The following RPH3A variants were observed in gnomAD, a reference collection of about 807,000 sequenced individuals.
RPH3A encodes rabphilin-3A.
In RPH3A, 48 loss-of-function variants were observed where a neutral mutation model predicts 102.2. The ratio of observed to expected loss-of-function variants is 0.47; its 90% confidence interval spans 0.37 to 0.60. The LOEUF (loss-of-function observed/expected upper bound fraction) is 0.60, where lower values mean the gene tolerates loss of function less well. RPH3A is among the 20% of genes least tolerant of loss of function. RPH3A has a pLI of 0.00. For synonymous variants in RPH3A, 310 were observed against 324.3 expected, an observed-to-expected ratio of 0.96 and a Z score of 0.47; for missense variants, 781 against 910.1, an observed-to-expected ratio of 0.86 and a Z score of 1.83.
At chr12:112,762,989 C>T (rs2040864392) in intron 1 of RPH3A, among the ~76,000 whole-genome samples, 1 of 152,176 alleles carries the variant, frequency 6.6e-6, no homozygotes, top group African/African-American at 2.4e-5. Flanking sequence ...AAGGTCATTC[C>T]CCAAGGAATG....
At chr12:112,878,374 T>A (rs1489714958) in intron 13 of RPH3A, among the ~76,000 whole-genome samples, 1 of 152,172 alleles carries the variant, frequency 6.6e-6, no homozygotes. Flanking sequence ...CAAACCTGTC[T>A]CCATACTCTA....
intron 1 of RPH3A, among the ~76,000 whole-genome samples, chr12:112,675,290 T>C (rs910132111): frequency 1.1e-4 from 17 of 152,122 alleles, no homozygotes; most frequent in African/African-American, 3.9e-4. Flanking sequence ...CTCTTGGAGG[T>C]TCACAAAGGA....
chr12:112,852,133 C>A (rs1364204820), intron 5 of RPH3A, among the ~76,000 whole-genome samples: 1 of 152,180 alleles, frequency 6.6e-6, no homozygotes, highest in African/African-American at 2.4e-5. Context: ...GAAAGCTTTA[C>A]TCCCCCGTCT....
chr12:112,735,135 T>C (rs1186759535), intron 1 of RPH3A, among the ~76,000 whole-genome samples: 1 of 152,196 alleles, frequency 6.6e-6, no homozygotes, highest in Non-Finnish European at 1.5e-5. Context: ...GTCCTGGGTG[T>C]CACAGAGCAG....
At chr12:112,872,470 T>C (rs895856766) in intron 10 of RPH3A, among the ~76,000 whole-genome samples, 1 of 152,192 alleles carries the variant, frequency 6.6e-6, no homozygotes, top group Non-Finnish European at 1.5e-5. Flanking sequence ...AGATATATAA[T>C]TTACACATTT....
intron 15 of RPH3A, among the ~76,000 whole-genome samples, chr12:112,882,150 C>T (rs1409778262): frequency 6.6e-6 from 1 of 151,518 alleles, no homozygotes; most frequent in Non-Finnish European, 1.5e-5. Flanking sequence ...AGCGGCTCTC[C>T]CACTGCTGAC....
At chr12:112,712,915 CTTCTTCTTCCT>C (rs2040476267) in intron 1 of RPH3A, among the ~76,000 whole-genome samples, 1 of 112,538 alleles carries the variant, frequency 8.9e-6, no homozygotes, top group Non-Finnish European at 1.7e-5. Context: ...TCTTCTTCTT[CTTCTTCTTCCT>C]CTTCTTCTTC....
At chr12:112,849,167 T>C (rs1036670503) in intron 5 of RPH3A, among the ~76,000 whole-genome samples, 5 of 152,094 alleles carry the variant, frequency 3.3e-5, no homozygotes, top group African/African-American at 1.2e-4. Context: ...AGGAAGTGGA[T>C]GCCTTTGATT....
chr12:112,674,706 A>G (rs2040160824), intron 1 of RPH3A, among the ~76,000 whole-genome samples: 1 of 151,752 alleles, frequency 6.6e-6, no homozygotes, highest in Non-Finnish European at 1.5e-5. Context: ...CCATCAAGAT[A>G]TCAGGATAAG....
chr12:112,697,940 T>G (rs1330810090), intron 1 of RPH3A, among the ~76,000 whole-genome samples: 1 of 151,906 alleles, frequency 6.6e-6, no homozygotes, highest in African/African-American at 2.4e-5. Context: ...TATATGGAAG[T>G]GAGAAGGACC....
intron 1 of RPH3A, among the ~76,000 whole-genome samples, chr12:112,703,707 G>A (rs1278010406): frequency 6.6e-6 from 1 of 152,164 alleles, no homozygotes; most frequent in Non-Finnish European, 1.5e-5. Flanking sequence ...TTATCTCCCT[G>A]TCTCACGACT....
chr12:112,838,716 G>A (rs1220917049), intron 4 of RPH3A, among the ~76,000 whole-genome samples: 3 of 152,212 alleles, frequency 2.0e-5, no homozygotes, highest in Admixed American at 1.3e-4. Context: ...GACATCTGGC[G>A]AGTATTTATT....
intron 1 of RPH3A, among the ~76,000 whole-genome samples, chr12:112,658,647 G>C (rs557433272): frequency 2.0e-5 from 3 of 152,216 alleles, no homozygotes; most frequent in Non-Finnish European, 4.4e-5. Flanking sequence ...AGAGGTGTTT[G>C]GATGCTGGAC....
intron 4 of RPH3A, among the ~76,000 whole-genome samples, chr12:112,837,019 TG>T (rs1423459275): frequency 6.6e-6 from 1 of 152,248 alleles, no homozygotes; most frequent in Non-Finnish European, 1.5e-5. Context: ...ACAACTTTTG[TG>T]TTTTTAATTG....
intron 1 of RPH3A, among the ~76,000 whole-genome samples, chr12:112,592,534 T>G (rs1022955435): frequency 6.6e-6 from 1 of 152,094 alleles, no homozygotes. Context: ...AGCCAGGCTG[T>G]TCTCGAACTC....
chr12:112,776,057 G>C (rs750310796), intron 1 of RPH3A, among the ~76,000 whole-genome samples: 1 of 152,138 alleles, frequency 6.6e-6, no homozygotes, highest in African/African-American at 2.4e-5. Flanking sequence ...GAAGAAACTG[G>C]CATAGGTTAG....
intron 1 of RPH3A, among the ~76,000 whole-genome samples, chr12:112,698,874 C>CCTTCCCCTTCCG (rs1565851550): frequency 2.0e-5 from 3 of 149,876 alleles, no homozygotes; most frequent in African/African-American, 7.4e-5. Flanking sequence ...TTCCCCTTCC[C>CCTTCCCCTTCCG]CTTCCCCTTC....
chr12:112,842,856 G>A (rs1041812886), intron 4 of RPH3A, among the ~76,000 whole-genome samples: 3 of 152,212 alleles, frequency 2.0e-5, no homozygotes, highest in African/African-American at 7.2e-5. Flanking sequence ...GCCCTGTGAT[G>A]CATGCCCTAT....
intron 5 of RPH3A, among the ~76,000 whole-genome samples, chr12:112,851,419 C>T (rs1436788599): frequency 5.9e-5 from 9 of 152,180 alleles, no homozygotes; most frequent in Admixed American, 5.9e-4. Context: ...ATTTTGAGAG[C>T]TGGAAGTTGA....
Sources: gnomAD v4.1 joint callset for allele counts (sites outside exome capture counted in the v4.1 genomes callset) on GRCh38, gnomAD v4.1.1 for gene constraint, MANE v1.5 for transcripts, NCBI Gene and HGNC (gene_info 2026-07-23, HGNC 2026-07-21) for gene names.